The following TJP1 variants were observed in gnomAD, a reference collection of about 807,000 sequenced individuals.
TJP1 encodes the protein tight junction protein ZO-1.
Under a neutral mutation model 194.2 loss-of-function variants are expected in TJP1, and 43 were observed. The ratio of observed to expected loss-of-function variants is 0.22; its 90% CI spans 0.17 to 0.29. The LOEUF (loss-of-function observed/expected upper bound fraction) is 0.29. Among genes scored for constraint, TJP1 ranks in the 10% least tolerant of loss-of-function variants. The probability of loss-of-function intolerance (pLI) is 1.00; values close to 1 mark genes in which losing one functional copy is unlikely to be tolerated. For missense variants in TJP1, 1,971 were observed against 2,185.7 expected (o/e 0.90, Z 1.96); for synonymous variants, 801 against 779.0 (o/e 1.03, Z -0.47).
intron 2 of TJP1, among the ~76,000 whole-genome samples, chr15:29,777,210 A>C (rs1333376617): frequency 6.6e-6 from 1 of 152,206 alleles, no homozygotes; most frequent in African/African-American, 2.4e-5. Context: ...AATAAAACTG[A>C]AATTGTTCTT....
intron 27 of TJP1, among the ~76,000 whole-genome samples, chr15:29,703,826 A>ATTTT (rs2041714174): frequency 6.6e-6 from 1 of 151,990 alleles, no homozygotes; most frequent in Non-Finnish European, 1.5e-5. Flanking sequence ...TATTTTTAGT[A>ATTTT]GAGATGGGGT....
At chr15:29,743,988 G>A (rs2044598309) in intron 8 of TJP1, among the ~76,000 whole-genome samples, 1 of 152,076 alleles carries the variant, frequency 6.6e-6, no homozygotes, top group South Asian at 2.1e-4. Flanking sequence ...AGACCATCCT[G>A]GCCAGTAAGG....
At chr15:29,845,664 G>T (rs541339204) in intron 2 of TJP1, among the ~76,000 whole-genome samples, 2 of 152,078 alleles carry the variant, frequency 1.3e-5, no homozygotes, top group African/African-American at 4.8e-5. Context: ...AATTAGCCGG[G>T]CGTGGTGGCA....
intron 5 of TJP1, among the ~76,000 whole-genome samples, chr15:29,764,983 T>A (rs983852812): frequency 4.6e-5 from 7 of 151,956 alleles, no homozygotes; most frequent in Admixed American, 2.0e-4. Flanking sequence ...AAAAAAAGAT[T>A]CTAGGAGAGA....
chr15:29,947,211 AC>A (rs1229769271), intron 2 of TJP1, among the ~76,000 whole-genome samples: 4 of 152,228 alleles, frequency 2.6e-5, no homozygotes, highest in Admixed American at 2.0e-4. Context: ...ACCTAGAATT[AC>A]ATAATTTTAA....
At chr15:29,867,147 ATT>A (rs1236645742) in intron 2 of TJP1, among the ~76,000 whole-genome samples, 1 of 152,238 alleles carries the variant, frequency 6.6e-6, no homozygotes, top group African/African-American at 2.4e-5. Context: ...GGAAAGAGCA[ATT>A]TCTGACTGAC....
chr15:29,716,069 G>A (rs1232957200), intron 23 of TJP1, among the ~76,000 whole-genome samples: 4 of 152,166 alleles, frequency 2.6e-5, no homozygotes, highest in African/African-American at 9.7e-5. Flanking sequence ...ACCCAGGGAT[G>A]AGTAAACGGA....
At chr15:29,924,800 G>GGGCC (rs200844964) in intron 2 of TJP1, among the ~76,000 whole-genome samples, 2,282 of 152,286 alleles carry the variant, frequency 0.015, 52 homozygotes, top group African/African-American at 0.053. Flanking sequence ...CTTAACCCTA[G>GGGCC]GGCCGGTTTG....
chr15:29,718,379 C>T lies in TJP1; in HGVS notation c.3763G>A (p.Glu1255Lys). 6.2e-7 allele frequency: 1 copy of T among 1,614,092 alleles called. No homozygotes were observed. The highest frequency in any genetic ancestry group is 2.2e-5 in the East Asian group (1 of 44,878). Residue 1255 changes from glutamate to lysine, a missense_variant, in exon 21 of 28, where the codon GAA becomes AAA. Coordinates refer to ENST00000614355, the MANE Select transcript of TJP1 (RefSeq NM_001330239.4). ...PPPPTQTEEE[E>K]DPAMKPQSVL... is the part of the protein sequence containing the mutation. Reference sequence around the variant, plus strand: ...GACTGTGGCTTCATTGCTGGATCTTCCTCTTCTTCGGTTTGAGTTGGGGGT... The same window carrying T: ...GACTGTGGCTTCATTGCTGGATCTTTCTCTTCTTCGGTTTGAGTTGGGGGT...
At chr15:29,702,772 A>G (rs1051107733) in intron 27 of TJP1, among the ~76,000 whole-genome samples, 1 of 152,234 alleles carries the variant, frequency 6.6e-6, no homozygotes, top group Non-Finnish European at 1.5e-5. Flanking sequence ...ATGTATTTAC[A>G]TGTAATTTTT....
At position 29,734,920 on chromosome 15, in the gene TJP1, T is replaced by C. The variant is rs1423426422; in HGVS notation, c.1408-538A>G. 2.6e-5 allele frequency among the ~76,000 whole-genome samples: 4 copies of C among 152,266 alleles called. No homozygotes were observed. The East Asian group carries it at 7.7e-4, about 29-fold the overall frequency. ...TATTTAAATAGTATTCAGTGTGTCC[T>C]GACATTAAAGATCTGTGTAAAATTT... On this transcript the variant is annotated intron_variant, in intron 11 of 27. Transcript: ENST00000614355.
intron 2 of TJP1, among the ~76,000 whole-genome samples, chr15:29,831,402 T>C (rs577946453): frequency 7.2e-5 from 11 of 152,296 alleles, no homozygotes; most frequent in Admixed American, 4.6e-4. Context: ...CACACAGTAG[T>C]ATCTATGAAG....
chr15:29,821,961 G>T (rs2050403895), intron 1 of TJP1, 41 bp downstream of exon 1: 12 of 1,229,294 alleles, frequency 9.8e-6, no homozygotes, highest in South Asian at 3.8e-5. Flanking sequence ...GGGCGGCGAC[G>T]GTCGGCCCGG....
At chr15:29,878,191 A>G (rs1160554809) in intron 2 of TJP1, among the ~76,000 whole-genome samples, 3 of 151,942 alleles carry the variant, frequency 2.0e-5, no homozygotes, top group Non-Finnish European at 4.4e-5. Context: ...CTGGGACTAC[A>G]GGCGCCCGCT....
Position 29,766,372 on chromosome 15 carries a change from T to C in TJP1, c.483A>G (p.Ala161=), listed in dbSNP as rs2046332076. Residue 161 remains alanine (A), a synonymous_variant, in exon 5 of 28, where the codon GCA becomes GCG. Transcript: ENST00000614355. The part of the protein sequence containing the change: ...SEKIWPRDRS[A]SRERSLSPRS... The stretch of plus-strand genomic sequence containing the variant: ...GCGGGGACAAGCTCCTCTCTCTACT[T>C]GCACTTCTATCCCTCGGCCAAATCT... 4 of 1,614,068 alleles carry C rather than the reference T, an allele frequency of 2.5e-6. No homozygotes were observed. Among genetic ancestry groups the C allele is most frequent in the African/African-American group, 1.3e-5 (1 of 74,930 alleles).
At chr15:29,876,843 C>A (rs887951185) in intron 2 of TJP1, among the ~76,000 whole-genome samples, 1 of 152,160 alleles carries the variant, frequency 6.6e-6, no homozygotes, top group Non-Finnish European at 1.5e-5. Flanking sequence ...GCCTAAGGAC[C>A]TAGCACACTC....
intron 2 of TJP1, among the ~76,000 whole-genome samples, chr15:29,926,794 C>G (rs1177222377): frequency 6.6e-6 from 1 of 152,034 alleles, no homozygotes; most frequent in Non-Finnish European, 1.5e-5. Flanking sequence ...TTTCACTGGT[C>G]ATATTTTCTA....
At chr15:29,887,337 T>G (rs980831692) in intron 2 of TJP1, among the ~76,000 whole-genome samples, 1 of 150,998 alleles carries the variant, frequency 6.6e-6, no homozygotes, top group African/African-American at 2.4e-5. Context: ...GTTTTGCTTT[T>G]GTTGCCCAAG....
intron 2 of TJP1, among the ~76,000 whole-genome samples, chr15:29,794,459 G>A (rs1024610132): frequency 1.8e-4 from 27 of 152,090 alleles, no homozygotes; most frequent in Non-Finnish European, 5.9e-5. Context: ...CATCTAAAAC[G>A]GCATTATCAT....
Sources: gnomAD v4.1 joint callset for allele counts (sites outside exome capture counted in the v4.1 genomes callset) on GRCh38, gnomAD v4.1.1 for gene constraint, MANE v1.5 for transcripts, NCBI Gene and HGNC (gene_info 2026-07-23, HGNC 2026-07-21) for gene names.